Variants in ITGB5 observed in about 807,000 individuals in gnomAD.
The protein encoded by ITGB5 is integrin subunit beta 5.
Under a neutral mutation model 84.8 loss-of-function variants are expected in ITGB5, and 38 were observed. That is an observed-to-expected ratio of 0.45 (90% CI 0.35 to 0.59). ITGB5 has a LOEUF of 0.59. Ranked by LOEUF, ITGB5 falls within the 20% of genes least tolerant of loss-of-function variation. The pLI is 0.01. For synonymous variants in ITGB5, 393 were observed against 414.4 expected (o/e 0.95, Z 0.63); for missense variants, 905 against 1,034.5 (o/e 0.87, Z 1.72).
chr3:124,799,125 G>A (rs2064277650), intron 9 of ITGB5, among the ~76,000 whole-genome samples: 1 of 152,324 alleles, frequency 6.6e-6, no homozygotes. Flanking sequence ...GGGGTAGGAA[G>A]AGTAGGAAGA....
chr3:124,859,002 AT>A (rs1237483736), intron 3 of ITGB5, among the ~76,000 whole-genome samples: 1 of 152,202 alleles, frequency 6.6e-6, no homozygotes, highest in Non-Finnish European at 1.5e-5. Flanking sequence ...AATGTTATGT[AT>A]ATTTCACCAC....
At position 124,771,796 on chromosome 3, in the gene ITGB5, CTT is replaced by C. The variant is rs1193966057; in HGVS notation, c.1916+1892_1916+1893del. Reference sequence around the variant, plus strand: ...ATCGTGATATTCCCTTGTGGCATCTCTTTGCTCTCCTTGCTCCCTTCATATTG... The same window carrying C: ...ATCGTGATATTCCCTTGTGGCATCTCTGCTCTCCTTGCTCCCTTCATATTG... On this transcript the variant is annotated intron_variant, in intron 11 of 14. Transcript: ENST00000296181. Among the ~76,000 whole-genome samples, 4 of 150,166 alleles carry C rather than the reference CTT, an allele frequency of 2.7e-5. No individual in the cohort carries two copies. The South Asian group carries it at 8.5e-4, about 32-fold the overall frequency.
In ITGB5 at chr3:124,861,481, C is replaced by CATATATATATATATAT. The variant is rs771303161; in HGVS notation, c.157-2036_157-2035insATATATATATATATAT. 7.1e-3 allele frequency among the ~76,000 whole-genome samples: 835 copies of CATATATATATATATAT among 117,530 alleles called. 9 individuals carry two copies. Among genetic ancestry groups the CATATATATATATATAT allele is most frequent in the Non-Finnish European group, 0.011 (646 of 59,102 alleles). 77.1% of individuals were successfully genotyped at this position (117,530 alleles called of 152,430 possible). The stretch of plus-strand genomic sequence containing the variant: ...ACTTTGTTAAAAAAACAAAACAAAA[C>CATATATATATATATAT]ATATATATATATATACACACACACA... On this transcript the variant is annotated intron_variant, in intron 2 of 14. Coordinates refer to ENST00000296181, the MANE Select transcript of ITGB5 (RefSeq NM_002213.5).
At chr3:124,826,186 C>T (rs1417840973) in intron 5 of ITGB5, among the ~76,000 whole-genome samples, 2 of 152,124 alleles carry the variant, frequency 1.3e-5, no homozygotes, top group African/African-American at 4.8e-5. Context: ...CCATTATTTT[C>T]CAAGTTGTCT....
At chr3:124,797,539 AG>A (rs1471158081) in intron 9 of ITGB5, among the ~76,000 whole-genome samples, 4 of 152,376 alleles carry the variant, frequency 2.6e-5, no homozygotes, top group Admixed American at 1.3e-4. Flanking sequence ...AGAATATGTA[AG>A]GAAGTGTTTC....
At chr3:124,813,358 G>A (rs1579237687) in intron 8 of ITGB5, among the ~76,000 whole-genome samples, 1 of 152,146 alleles carries the variant, frequency 6.6e-6, no homozygotes, top group African/African-American at 2.4e-5. Flanking sequence ...ACTGGACACT[G>A]GTTGGTTATC....
intron 4 of ITGB5, among the ~76,000 whole-genome samples, chr3:124,842,367 C>G (rs2065022281): frequency 6.6e-6 from 1 of 152,190 alleles, no homozygotes; most frequent in African/African-American, 2.4e-5. Flanking sequence ...GAGTTACTTT[C>G]CATTACAGCT....
intron 3 of ITGB5, among the ~76,000 whole-genome samples, chr3:124,849,939 A>G (rs1437441201): frequency 6.6e-6 from 1 of 152,126 alleles, no homozygotes; most frequent in East Asian, 1.9e-4. Flanking sequence ...GAGATGCCCT[A>G]TTTATCCTGC....
At chr3:124,769,179 G>A (rs2063807758) in intron 11 of ITGB5, 66 bp from the exon 12 acceptor site, 1 of 1,289,888 alleles carries the variant, frequency 7.8e-7, no homozygotes, top group South Asian at 1.2e-5. Flanking sequence ...CTGTCCCTGA[G>A]CTCCTGACAG....
At chr3:124,822,638 A>G (rs763799117) in intron 5 of ITGB5, among the ~76,000 whole-genome samples, 2 of 152,238 alleles carry the variant, frequency 1.3e-5, no homozygotes, top group Non-Finnish European at 2.9e-5. Flanking sequence ...GAAGCCAGTG[A>G]GGACTGACAG....
At chr3:124,842,929 A>T (rs2065029479) in intron 4 of ITGB5, among the ~76,000 whole-genome samples, 1 of 152,218 alleles carries the variant, frequency 6.6e-6, no homozygotes, top group Non-Finnish European at 1.5e-5. Context: ...CACAGCACAG[A>T]GTCCCCAGCA....
chr3:124,898,261 A>C (rs1579355260), intron 1 of ITGB5, among the ~76,000 whole-genome samples: 1 of 152,106 alleles, frequency 6.6e-6, no homozygotes. Flanking sequence ...CAGCAGCAAA[A>C]AATGATTAGT....
chr3:124,825,215 A>G lies in ITGB5; in HGVS notation c.781-3741T>C, dbSNP rs184162213. ...CCGTCTCAAAAAAAAAAAAAAAAAA[A>G]GTGGAAAGATTAGAACTCTCATAAT... On this transcript the variant is annotated intron_variant, in intron 5 of 14. Coordinates refer to ENST00000296181, the MANE Select transcript of ITGB5 (RefSeq NM_002213.5). Among the ~76,000 whole-genome samples, 1,326 of 150,156 alleles carry G rather than the reference A, an allele frequency of 8.8e-3. 25 individuals are homozygous for G. Among genetic ancestry groups the G allele is most frequent in the African/African-American group, 0.03 (1,229 of 40,498 alleles).
At chr3:124,801,172 C>G (rs755521765) in intron 9 of ITGB5, among the ~76,000 whole-genome samples, 27 of 152,272 alleles carry the variant, frequency 1.8e-4, no homozygotes, top group African/African-American at 6.3e-4. Context: ...AAGCCCATGA[C>G]GGGGTTCACT....
At chr3:124,808,774 T>C (rs1293925514) in intron 9 of ITGB5, among the ~76,000 whole-genome samples, 2 of 152,228 alleles carry the variant, frequency 1.3e-5, no homozygotes, top group African/African-American at 2.4e-5. Flanking sequence ...AAAGTCACGA[T>C]GCCAACTTAA....
intron 6 of ITGB5, among the ~76,000 whole-genome samples, chr3:124,820,324 T>C (rs950562102): frequency 6.6e-6 from 1 of 152,178 alleles, no homozygotes; most frequent in African/African-American, 2.4e-5. Flanking sequence ...TTCATCCTGC[T>C]TGTGGCTCAG....
chr3:124,864,710 C>T (rs1010559416), intron 2 of ITGB5, among the ~76,000 whole-genome samples: 1 of 151,876 alleles, frequency 6.6e-6, no homozygotes, highest in African/African-American at 2.4e-5. Flanking sequence ...ATATAACAAA[C>T]CTGCACATAT....
At chr3:124,785,604 C>A (rs1272005672) in intron 10 of ITGB5, among the ~76,000 whole-genome samples, 1 of 149,730 alleles carries the variant, frequency 6.7e-6, no homozygotes. Flanking sequence ...AAAAAAACCC[C>A]AAAAAAACAA....
At position 124,850,654 on chromosome 3, in the gene ITGB5, C is replaced by T. The variant is rs566507395; in HGVS notation, c.362-2096G>A. Among the ~76,000 whole-genome samples the T allele has an allele frequency of 5.9e-5, 9 of 151,356 alleles. No homozygotes were observed. In the East Asian group the frequency reaches 1.6e-3, roughly 26 times the overall value. The stretch of plus-strand genomic sequence containing the variant: ...CACATGTATACATATGTAACTAACC[C>T]GCACATTGTGCCCATGTACCCTAAA... On this transcript the variant is annotated intron_variant, in intron 3 of 14. Transcript: ENST00000296181.
Sources: gnomAD v4.1 joint callset for allele counts (sites outside exome capture counted in the v4.1 genomes callset) on GRCh38, gnomAD v4.1.1 for gene constraint, MANE v1.5 for transcripts, NCBI Gene and HGNC (gene_info 2026-07-23, HGNC 2026-07-21) for gene names.